Variants in ME3 observed in about 807,000 individuals in gnomAD.
The protein encoded by ME3 is malic enzyme 3.
A neutral mutation model predicts 68.9 loss-of-function variants in ME3; 48 were observed. That is an observed-to-expected ratio of 0.70 (90% confidence interval 0.55 to 0.89). The LOEUF (loss-of-function observed/expected upper bound fraction) is 0.89, where lower values mean the gene tolerates loss of function less well. ME3 is among the 40% of genes least tolerant of loss of function. The probability of loss-of-function intolerance (pLI) is 0.00; values close to 1 mark genes in which losing one functional copy is unlikely to be tolerated. For missense variants in ME3, 675 were observed against 797.4 expected (o/e 0.85, Z 1.85); for synonymous variants, 320 against 318.8 (o/e 1.00, Z -0.04).
At chr11:86,525,500 G>C (rs1188408935) in intron 4 of ME3, among the ~76,000 whole-genome samples, 2 of 151,012 alleles carry the variant, frequency 1.3e-5, no homozygotes. Context: ...GGCTAACGTG[G>C]CTGAATGGTT....
Position 86,610,646 on chromosome 11 carries a change from T to TC in ME3, c.184-50824dup, listed in dbSNP as rs540075803. ...CATGAATCTATTGGCACCCTGTAGT[T>TC]CTCTTTTGGGCTGTGGGGTTGGGGG... On this transcript the variant is annotated intron_variant, in intron 2 of 14. Coordinates refer to ENST00000543262, the Ensembl canonical transcript of ME3. 3.2e-4 allele frequency among the ~76,000 whole-genome samples: 48 copies of TC among 149,000 alleles called. No individual in the cohort carries two copies. The South Asian group carries it at 8.6e-3, about 27-fold the overall frequency.
At chr11:86,577,712 CAA>C (rs1171908882) in intron 2 of ME3, among the ~76,000 whole-genome samples, 1 of 152,186 alleles carries the variant, frequency 6.6e-6, no homozygotes, top group African/African-American at 2.4e-5. Context: ...ATTCATTACA[CAA>C]GTGTCTATAT....
At chr11:86,638,041 G>A (rs916057961) in intron 2 of ME3, among the ~76,000 whole-genome samples, 2 of 151,028 alleles carry the variant, frequency 1.3e-5, no homozygotes, top group African/African-American at 4.9e-5. Flanking sequence ...TATGGCACCT[G>A]GGTATGAAAC....
At chr11:86,641,969 G>T (rs946548566) in intron 2 of ME3, among the ~76,000 whole-genome samples, 2 of 152,120 alleles carry the variant, frequency 1.3e-5, no homozygotes, top group African/African-American at 4.8e-5. Context: ...GCAAGCTTCT[G>T]ATTTTCTATT....
chr11:86,586,714 T>C (rs1408308520), intron 2 of ME3, among the ~76,000 whole-genome samples: 2 of 152,082 alleles, frequency 1.3e-5, no homozygotes, highest in South Asian at 2.1e-4. Flanking sequence ...GTGGTAGCTG[T>C]TTTTTTAAAT....
At chr11:86,646,397 T>C (rs571222279) in intron 2 of ME3, among the ~76,000 whole-genome samples, 1 of 152,212 alleles carries the variant, frequency 6.6e-6, no homozygotes, top group East Asian at 1.9e-4. Context: ...AAGAATTTCA[T>C]GAAACATACA....
At position 86,601,668 on chromosome 11, in the gene ME3, C is replaced by T. The variant is rs561955387; in HGVS notation, c.184-41845G>A. ...ACAACCAAAAAAGAGAATTTTAGAC[C>T]GATATCCTTGATGAACATTGATGCA... On this transcript the variant is annotated intron_variant, in intron 2 of 14. Coordinates refer to ENST00000543262, the Ensembl canonical transcript of ME3. 2.9e-3 allele frequency among the ~76,000 whole-genome samples: 444 copies of T among 151,648 alleles called. 3 individuals are homozygous for T. The highest frequency in any genetic ancestry group is 0.01 in the African/African-American group (429 of 41,342).
intron 5 of ME3, among the ~76,000 whole-genome samples, chr11:86,508,309 G>C (rs1418452433): frequency 6.6e-6 from 1 of 152,202 alleles, no homozygotes; most frequent in Non-Finnish European, 1.5e-5. Context: ...CTTCCCCCAG[G>C]AAGTCATCCC....
intron 5 of ME3, among the ~76,000 whole-genome samples, chr11:86,499,984 G>C (rs1201143653): frequency 2.0e-5 from 3 of 152,238 alleles, no homozygotes; most frequent in African/African-American, 7.2e-5. Context: ...TGACAGGGCA[G>C]GGTTCCTGGT....
At chr11:86,480,523 C>T (rs1414292628) in intron 7 of ME3, among the ~76,000 whole-genome samples, 1 of 152,216 alleles carries the variant, frequency 6.6e-6, no homozygotes, top group Non-Finnish European at 1.5e-5. Flanking sequence ...CCATCTCCCT[C>T]TTCCAAGCTC....
At chr11:86,641,280 A>C (rs1183333055) in intron 2 of ME3, among the ~76,000 whole-genome samples, 1 of 152,218 alleles carries the variant, frequency 6.6e-6, no homozygotes, top group East Asian at 1.9e-4. Flanking sequence ...GGAATTATAC[A>C]TCAAAAATCA....
chr11:86,567,848 G>C lies in ME3; in HGVS notation c.184-8025C>G, dbSNP rs74361751. 2.0e-5 allele frequency among the ~76,000 whole-genome samples: 3 copies of C among 152,306 alleles called. No homozygotes were observed. In the East Asian group the frequency reaches 5.8e-4, roughly 29 times the overall value. On this transcript the variant is annotated intron_variant, in intron 2 of 14. Transcript: ENST00000543262. The stretch of plus-strand genomic sequence containing the variant: ...ACAAGACAGTTCACTAGGGCTTAAG[G>C]GGGAAGTGTGAGAACTTATATTTCT...
At chr11:86,528,447 T>A (rs548904483) in intron 4 of ME3, among the ~76,000 whole-genome samples, 11 of 152,174 alleles carry the variant, frequency 7.2e-5, no homozygotes, top group Middle Eastern at 3.4e-3. Context: ...GACAGATCAA[T>A]GAGACAGAAA....
At chr11:86,492,746 G>A (rs562718401) in intron 6 of ME3, among the ~76,000 whole-genome samples, 1 of 152,312 alleles carries the variant, frequency 6.6e-6, no homozygotes, top group Non-Finnish European at 1.5e-5. Context: ...CCTCCCGTAA[G>A]GTTTTTCTTG....
At chr11:86,448,150 C>T in exon 11 of ME3, 1 of 1,610,402 alleles carries the variant, frequency 6.2e-7, no homozygotes, top group Non-Finnish European at 8.5e-7. Context: ...CTCCTCCTAC[C>T]TATGATGGCT....
chr11:86,520,824 C>A (rs1954218595), intron 4 of ME3, among the ~76,000 whole-genome samples: 1 of 150,008 alleles, frequency 6.7e-6, no homozygotes, highest in African/African-American at 2.5e-5. Context: ...AGAACAAGGG[C>A]AATGTAAGTT....
At chr11:86,515,100 C>T (rs552171232) in intron 4 of ME3, among the ~76,000 whole-genome samples, 1 of 152,174 alleles carries the variant, frequency 6.6e-6, no homozygotes, top group East Asian at 1.9e-4. Flanking sequence ...GAAAATCTTT[C>T]ATTATATGGG....
intron 2 of ME3, among the ~76,000 whole-genome samples, chr11:86,582,132 TG>T (rs1176810272): frequency 1.3e-5 from 2 of 152,264 alleles, no homozygotes; most frequent in Non-Finnish European, 2.9e-5. Flanking sequence ...TTTTTGGCTT[TG>T]CCACCAGCCA....
At chr11:86,631,771 C>T (rs1198260331) in intron 2 of ME3, among the ~76,000 whole-genome samples, 1 of 152,194 alleles carries the variant, frequency 6.6e-6, no homozygotes, top group Non-Finnish European at 1.5e-5. Context: ...TTATTCTTGT[C>T]ATCCAGGCTG....
Sources: allele counts gnomAD v4.1 joint callset (sites outside exome capture counted in the v4.1 genomes callset), GRCh38; gene constraint gnomAD v4.1.1; transcripts MANE v1.5; gene names NCBI Gene and HGNC (gene_info 2026-07-23, HGNC 2026-07-21).